The following INPP4B variants were observed in gnomAD, a reference collection of about 807,000 sequenced individuals.
The protein encoded by INPP4B is inositol polyphosphate-4-phosphatase type II B, also known as inositol polyphosphate 4-phosphatase type II.
Under a neutral mutation model 122.5 loss-of-function variants are expected in INPP4B, and 55 were observed. The ratio of observed to expected loss-of-function variants is 0.45; its 90% CI spans 0.36 to 0.56. The LOEUF (loss-of-function observed/expected upper bound fraction) is 0.56. Ranked by LOEUF, INPP4B falls within the 20% of genes least tolerant of loss-of-function variation. The pLI is 0.00. For synonymous variants in INPP4B, 403 were observed against 388.7 expected (o/e 1.04, Z -0.43); for missense variants, 1,000 against 1,097.7 (o/e 0.91, Z 1.26).
intron 5 of INPP4B, among the ~76,000 whole-genome samples, chr4:142,416,817 G>A (rs780545086): frequency 5.9e-5 from 9 of 152,094 alleles, no homozygotes; most frequent in Non-Finnish European, 8.8e-5. Flanking sequence ...TGAGGGTGTC[G>A]ATTCTTCTGT....
At chr4:142,450,526 G>C (rs559494963) in intron 3 of INPP4B, among the ~76,000 whole-genome samples, 1 of 152,154 alleles carries the variant, frequency 6.6e-6, no homozygotes, top group South Asian at 2.1e-4. Flanking sequence ...ATCAGGAGAG[G>C]TGCTACTAAT....
At chr4:142,702,900 T>C (rs1327896974) in intron 2 of INPP4B, among the ~76,000 whole-genome samples, 2 of 152,174 alleles carry the variant, frequency 1.3e-5, no homozygotes, top group African/African-American at 4.8e-5. Flanking sequence ...ATTGAAGATG[T>C]TTTTATCAAC....
chr4:142,255,617 A>G (rs1043723173), intron 11 of INPP4B, among the ~76,000 whole-genome samples: 2 of 152,246 alleles, frequency 1.3e-5, no homozygotes, highest in Non-Finnish European at 2.9e-5. Context: ...AGGCCATTAC[A>G]TAATGGTAAA....
intron 1 of INPP4B, among the ~76,000 whole-genome samples, chr4:142,737,620 A>G (rs1767161086): frequency 6.6e-6 from 1 of 152,212 alleles, no homozygotes; most frequent in South Asian, 2.1e-4. Flanking sequence ...ATGGGATCTA[A>G]TTAAACTAAA....
intron 9 of INPP4B, among the ~76,000 whole-genome samples, chr4:142,289,802 C>G (rs547864367): frequency 6.6e-6 from 1 of 152,302 alleles, no homozygotes; most frequent in Admixed American, 6.5e-5. Flanking sequence ...TCAGCGACAA[C>G]TTCATTGTTC....
chr4:142,788,126 C>T (rs1026310072), intron 1 of INPP4B, among the ~76,000 whole-genome samples: 2 of 151,894 alleles, frequency 1.3e-5, no homozygotes, highest in Non-Finnish European at 2.9e-5. Context: ...CAGAGCATAG[C>T]AATTATAATA....
In INPP4B at chr4:142,354,367, G is replaced by T. The variant is rs73850859; in HGVS notation, c.373-39605C>A. 7.2e-4 allele frequency among the ~76,000 whole-genome samples: 109 copies of T among 151,968 alleles called. 1 individual carries two copies. The highest frequency in any genetic ancestry group is 2.6e-3 in the African/African-American group (107 of 41,488). On this transcript the variant is annotated intron_variant, in intron 7 of 25. Transcript: ENST00000262992. Reference sequence around the variant, plus strand: ...TTCAAACACAGGTTTGGATGAGTACGGCTCATTTATATGTAGGAAGAACAG... The same window carrying T: ...TTCAAACACAGGTTTGGATGAGTACTGCTCATTTATATGTAGGAAGAACAG...
At chr4:142,385,984 C>G (rs1795843563) in intron 7 of INPP4B, among the ~76,000 whole-genome samples, 1 of 152,096 alleles carries the variant, frequency 6.6e-6, no homozygotes, top group Non-Finnish European at 1.5e-5. Context: ...AGTCACCATT[C>G]TGTGCAACAG....
intron 2 of INPP4B, among the ~76,000 whole-genome samples, chr4:142,696,661 C>T (rs1306743947): frequency 1.3e-5 from 2 of 152,140 alleles, no homozygotes; most frequent in African/African-American, 4.8e-5. Flanking sequence ...CCATCAGCTA[C>T]TACTTATGTT....
At chr4:142,506,167 T>C (rs1392898063) in intron 2 of INPP4B, among the ~76,000 whole-genome samples, 1 of 152,184 alleles carries the variant, frequency 6.6e-6, no homozygotes, top group Non-Finnish European at 1.5e-5. Context: ...CCACAAACAA[T>C]AAATATTCTA....
intron 15 of INPP4B, among the ~76,000 whole-genome samples, chr4:142,186,163 T>C (rs1833119374): frequency 6.6e-6 from 1 of 152,210 alleles, no homozygotes; most frequent in Non-Finnish European, 1.5e-5. Flanking sequence ...TAAACATTTT[T>C]TGTGGAAATA....
chr4:142,417,456 C>T (rs945182698), intron 5 of INPP4B, among the ~76,000 whole-genome samples: 1 of 152,052 alleles, frequency 6.6e-6, no homozygotes, highest in African/African-American at 2.4e-5. Flanking sequence ...TGTTTATTCT[C>T]ACTTAGTGCT....
At position 142,152,336 on chromosome 4, in the gene INPP4B, A is replaced by G. The variant is rs568391429; in HGVS notation, c.1564-6340T>C. Among the ~76,000 whole-genome samples the G allele has an allele frequency of 2.6e-5, 4 of 151,744 alleles. No homozygotes were observed. The South Asian group carries it at 8.3e-4, about 31-fold the overall frequency. On this transcript the variant is annotated intron_variant, in intron 17 of 25. Transcript: ENST00000262992. ...ATGATCCACCCGCCTGGGCCTCCCA[A>G]AGTGCTGGGATTACAGGCGTGAGTC... is the stretch of plus-strand genomic sequence containing the variant.
At chr4:142,182,766 A>G (rs1356245053) in intron 15 of INPP4B, among the ~76,000 whole-genome samples, 1 of 152,088 alleles carries the variant, frequency 6.6e-6, no homozygotes, top group Admixed American at 6.5e-5. Flanking sequence ...AGAGTCCTTC[A>G]ATCCTGCCCA....
intron 12 of INPP4B, among the ~76,000 whole-genome samples, chr4:142,230,880 A>C (rs1254700630): frequency 2.6e-5 from 4 of 152,224 alleles, no homozygotes; most frequent in African/African-American, 9.6e-5. Flanking sequence ...TCTTCACAGC[A>C]GTAAACAACT....
chr4:142,269,451 C>G (rs1363486519), intron 10 of INPP4B, among the ~76,000 whole-genome samples: 1 of 152,080 alleles, frequency 6.6e-6, no homozygotes, highest in African/African-American at 2.4e-5. Context: ...AAATAAACAT[C>G]TAAATTAATT....
chr4:142,450,948 A>G (rs1814017107), intron 3 of INPP4B, among the ~76,000 whole-genome samples: 1 of 150,900 alleles, frequency 6.6e-6, no homozygotes, highest in African/African-American at 2.4e-5. Flanking sequence ...GTTTTTATTT[A>G]TATTATTCTT....
At chr4:142,170,127 G>A (rs560170473) in intron 16 of INPP4B, among the ~76,000 whole-genome samples, 3 of 151,166 alleles carry the variant, frequency 2.0e-5, no homozygotes, top group Non-Finnish European at 4.4e-5. Context: ...ATTATTAACT[G>A]TTCATACTGT....
At chr4:142,567,455 C>G (rs1261217745) in intron 2 of INPP4B, among the ~76,000 whole-genome samples, 1 of 152,074 alleles carries the variant, frequency 6.6e-6, no homozygotes, top group Non-Finnish European at 1.5e-5. Flanking sequence ...TCATTATCTC[C>G]CCCTTCAGCC....
Sources: allele counts gnomAD v4.1 joint callset (sites outside exome capture counted in the v4.1 genomes callset), GRCh38; gene constraint gnomAD v4.1.1; transcripts MANE v1.5; gene names NCBI Gene and HGNC (gene_info 2026-07-23, HGNC 2026-07-21).